CDH18: variants seen among roughly 807,000 people sequenced by gnomAD.
CDH18 encodes the protein cadherin-18.
CDH18 carries 31 observed loss-of-function variants against 67.9 expected under a neutral mutation model. The ratio of observed to expected loss-of-function variants is 0.46; its 90% confidence interval spans 0.34 to 0.62. The LOEUF is 0.62. CDH18 is among the 20% of genes least tolerant of loss of function. The pLI is 0.01. For missense variants in CDH18, 890 were observed against 975.5 expected (o/e 0.91, Z 1.17); for synonymous variants, 362 against 347.2 (o/e 1.04, Z -0.48).
intron 1 of CDH18, among the ~76,000 whole-genome samples, chr5:20,266,590 T>C (rs1242923789): frequency 7.1e-6 from 1 of 141,108 alleles, no homozygotes; most frequent in Non-Finnish European, 1.5e-5. Flanking sequence ...TTTTTTTTTT[T>C]TTTTTTTTTT....
chr5:20,486,602 C>G (rs1561053770), intron 1 of CDH18, among the ~76,000 whole-genome samples: 1 of 150,964 alleles, frequency 6.6e-6, no homozygotes, highest in Non-Finnish European at 1.5e-5. Flanking sequence ...TTTGATGAGT[C>G]ATAAGCATGT....
chr5:20,517,122 T>C (rs1389185099), intron 1 of CDH18, among the ~76,000 whole-genome samples: 1 of 151,924 alleles, frequency 6.6e-6, no homozygotes, highest in African/African-American at 2.4e-5. Context: ...TGATGATTGC[T>C]TCATGCTTGG....
chr5:19,856,541 T>C (rs894697384), intron 2 of CDH18, among the ~76,000 whole-genome samples: 1 of 152,190 alleles, frequency 6.6e-6, no homozygotes, highest in African/African-American at 2.4e-5. Context: ...ATCACTGTTA[T>C]ATGTTGAAGT....
intron 5 of CDH18, among the ~76,000 whole-genome samples, chr5:19,677,937 T>C (rs982562090): frequency 6.6e-6 from 1 of 151,768 alleles, no homozygotes; most frequent in African/African-American, 2.4e-5. Flanking sequence ...TGTGTGTAAA[T>C]CAAATTAAAT....
chr5:19,487,336 T>C (rs1740570943), intron 11 of CDH18, among the ~76,000 whole-genome samples: 2 of 152,116 alleles, frequency 1.3e-5, no homozygotes, highest in Admixed American at 1.3e-4. Flanking sequence ...AGATAAGAAA[T>C]TTCTGCTTCT....
intron 5 of CDH18, among the ~76,000 whole-genome samples, chr5:19,665,007 A>G (rs749670575): frequency 6.6e-6 from 1 of 152,030 alleles, no homozygotes; most frequent in African/African-American, 2.4e-5. Context: ...ACACATAGAC[A>G]GCAATTATGA....
intron 5 of CDH18, among the ~76,000 whole-genome samples, chr5:19,719,947 A>G (rs546780809): frequency 3.3e-5 from 5 of 151,550 alleles, no homozygotes; most frequent in African/African-American, 9.7e-5. Flanking sequence ...GAAAGAAAGA[A>G]AGAAAGAAAG....
chr5:19,747,144 C>T lies in CDH18; in HGVS notation c.321G>A (p.Thr107=), dbSNP rs370029789. Residue 107 remains threonine (T), a synonymous_variant, in exon 4 of 13, where the codon ACG becomes ACA. Coordinates refer to ENST00000382275, the MANE Select transcript of CDH18 (RefSeq NM_004934.5). ...AGTIFIIDDT[T]GDIHSTKSLD... ...GGCTTTTTGTTGAGTGGATATCACC[C>T]GTGGTATCGTCAATGATAAATATAG... 7 of 1,612,490 alleles carry T rather than the reference C, an allele frequency of 4.3e-6. No homozygotes were observed. Among genetic ancestry groups the T allele is most frequent in the East Asian group, 2.2e-5 (1 of 44,870 alleles).
intron 2 of CDH18, among the ~76,000 whole-genome samples, chr5:19,973,884 T>C (rs1798256860): frequency 6.6e-6 from 1 of 152,054 alleles, no homozygotes; most frequent in African/African-American, 2.4e-5. Context: ...ATTGGGATCC[T>C]TGGAAGAGTT....
Position 20,433,432 on chromosome 5 carries a change from C to T in CDH18, c.-580+142030G>A, listed in dbSNP as rs550343937. ...GTTTCCTCTTTTTGGACAATATACC[C>T]TGTAAATCTAGAGACAAGCAGCAAA... On this transcript the variant is annotated intron_variant, in intron 1 of 14. Coordinates refer to the CDH18 transcript ENST00000507958. Among the ~76,000 whole-genome samples the T allele has an allele frequency of 5.3e-5, 8 of 152,034 alleles. No homozygotes were observed. The South Asian group carries it at 1.5e-3, about 28-fold the overall frequency.
intron 1 of CDH18, among the ~76,000 whole-genome samples, chr5:20,516,775 T>C (rs2126505373): frequency 6.6e-6 from 1 of 152,092 alleles, no homozygotes; most frequent in Non-Finnish European, 1.5e-5. Context: ...TATTGATGTA[T>C]TACCTTGTAT....
chr5:20,574,408 G>A (rs552197192), intron 1 of CDH18, among the ~76,000 whole-genome samples: 1 of 151,820 alleles, frequency 6.6e-6, no homozygotes, highest in Admixed American at 6.6e-5. Flanking sequence ...TCTTTGATTA[G>A]AAGAGTGACT....
intron 2 of CDH18, among the ~76,000 whole-genome samples, chr5:19,920,459 A>G (rs761748364): frequency 2.0e-5 from 3 of 151,706 alleles, no homozygotes; most frequent in Non-Finnish European, 4.4e-5. Context: ...TTGCATTCCT[A>G]CAAAAGGATG....
At position 19,472,886 on chromosome 5, in the gene CDH18, T is replaced by C. The variant is rs919285999; in HGVS notation, c.*340A>G. 3 of 191,860 alleles carry C rather than the reference T, an allele frequency of 1.6e-5. No individual in the cohort carries two copies. Among genetic ancestry groups the C allele is most frequent in the Non-Finnish European group, 3.3e-5 (3 of 91,478 alleles). The allele number at this position is 191,860 out of a possible 1,614,324, so 11.9% of individuals were successfully genotyped here. ...GATCTTGAGCCTTTCTGTTTAGTTT[T>C]GCTTTTGAAAAAAATAAATCACAAT... On this transcript the variant is annotated 3_prime_UTR_variant, in exon 13 of 13. Coordinates refer to ENST00000382275, the MANE Select transcript of CDH18 (RefSeq NM_004934.5).
chr5:19,506,842 G>A (rs1011831963), intron 10 of CDH18, among the ~76,000 whole-genome samples: 77 of 152,270 alleles, frequency 5.1e-4, no homozygotes, highest in African/African-American at 1.8e-3. Flanking sequence ...ACATAGGCAT[G>A]GGCAAGGACT....
At chr5:19,882,488 C>A (rs573862597) in intron 2 of CDH18, among the ~76,000 whole-genome samples, 2 of 152,082 alleles carry the variant, frequency 1.3e-5, no homozygotes, top group Non-Finnish European at 2.9e-5. Flanking sequence ...GAATTTCATA[C>A]ACATTGTTTA....
chr5:19,904,985 G>A (rs1378055447), intron 2 of CDH18, among the ~76,000 whole-genome samples: 3 of 152,152 alleles, frequency 2.0e-5, no homozygotes, highest in Admixed American at 1.3e-4. Context: ...TGAGGATCTT[G>A]TAACTGCAAA....
intron 2 of CDH18, among the ~76,000 whole-genome samples, chr5:19,923,554 A>G (rs1434756231): frequency 6.6e-6 from 1 of 152,136 alleles, no homozygotes; most frequent in East Asian, 1.9e-4. Flanking sequence ...AGCAGAAAAA[A>G]TGCAAAGAAT....
At chr5:19,633,751 T>A (rs1354473727) in intron 5 of CDH18, among the ~76,000 whole-genome samples, 1 of 152,000 alleles carries the variant, frequency 6.6e-6, no homozygotes, top group Non-Finnish European at 1.5e-5. Context: ...CACCTCAGCC[T>A]CCAAGAAAGC....
Sources: gnomAD v4.1 joint callset for allele counts (sites outside exome capture counted in the v4.1 genomes callset) on GRCh38, gnomAD v4.1.1 for gene constraint, MANE v1.5 for transcripts, NCBI Gene and HGNC (gene_info 2026-07-23, HGNC 2026-07-21) for gene names.